The following EGFLAM variants were observed in gnomAD, a reference collection of about 807,000 sequenced individuals.
The protein encoded by EGFLAM is pikachurin.
Under a neutral mutation model 113.1 loss-of-function variants are expected in EGFLAM, and 79 were observed. The ratio of observed to expected loss-of-function variants is 0.70; its 90% CI spans 0.58 to 0.84. EGFLAM has a LOEUF of 0.84. Ranked by LOEUF, EGFLAM falls within the 40% of genes least tolerant of loss-of-function variation. EGFLAM has a pLI of 0.00. For missense variants in EGFLAM, 1,265 were observed against 1,291.6 expected (o/e 0.98, Z 0.32); for synonymous variants, 504 against 487.6 (o/e 1.03, Z -0.44).
At chr5:38,441,599 C>CAA (rs1366148271) in intron 17 of EGFLAM, among the ~76,000 whole-genome samples, 26 of 151,700 alleles carry the variant, frequency 1.7e-4, no homozygotes, top group South Asian at 8.3e-4. Flanking sequence ...TTTGTACACA[C>CAA]ACACACACAC....
intron 6 of EGFLAM, among the ~76,000 whole-genome samples, chr5:38,390,698 G>T (rs1355695473): frequency 1.3e-5 from 2 of 152,110 alleles, no homozygotes; most frequent in Non-Finnish European, 2.9e-5. Flanking sequence ...AATGTAAAAT[G>T]ATATATCATT....
At chr5:38,399,036 G>T (rs368626772) in intron 6 of EGFLAM, among the ~76,000 whole-genome samples, 1 of 152,174 alleles carries the variant, frequency 6.6e-6, no homozygotes, top group Non-Finnish European at 1.5e-5. Context: ...TTCTAAAAAG[G>T]CTGGGTCAGA....
At chr5:38,296,266 C>A (rs2111810335) in intron 1 of EGFLAM, among the ~76,000 whole-genome samples, 1 of 152,192 alleles carries the variant, frequency 6.6e-6, no homozygotes, top group East Asian at 1.9e-4. Context: ...TATTCTAAAC[C>A]AAGCTAAAGA....
chr5:38,274,573 A>C (rs1320030368), intron 1 of EGFLAM, among the ~76,000 whole-genome samples: 1 of 152,042 alleles, frequency 6.6e-6, no homozygotes, highest in Non-Finnish European at 1.5e-5. Flanking sequence ...AAGGAGAAAA[A>C]ACTGCCAACC....
intron 3 of EGFLAM, among the ~76,000 whole-genome samples, chr5:38,343,041 C>G (rs1164643383): frequency 6.6e-6 from 1 of 152,146 alleles, no homozygotes; most frequent in African/African-American, 2.4e-5. Context: ...TGTTCCTGCT[C>G]TCTCATCAGA....
chr5:38,381,673 T>C (rs1165647232), intron 6 of EGFLAM, among the ~76,000 whole-genome samples: 1 of 152,164 alleles, frequency 6.6e-6, no homozygotes, highest in Admixed American at 6.5e-5. Flanking sequence ...ATGTGTCCCA[T>C]GATAACCTCA....
intron 6 of EGFLAM, among the ~76,000 whole-genome samples, chr5:38,373,100 C>T (rs1048183504): frequency 6.6e-6 from 1 of 152,042 alleles, no homozygotes; most frequent in Non-Finnish European, 1.5e-5. Flanking sequence ...AGTATCAGAG[C>T]TACCATTGGG....
chr5:38,356,083 A>G (rs1456252946), intron 5 of EGFLAM, among the ~76,000 whole-genome samples: 3 of 152,206 alleles, frequency 2.0e-5, no homozygotes, highest in African/African-American at 7.2e-5. Context: ...TTAAAATTAT[A>G]TGCCATTCCA....
At chr5:38,429,038 C>T (rs1398511675) in intron 14 of EGFLAM, among the ~76,000 whole-genome samples, 1 of 152,200 alleles carries the variant, frequency 6.6e-6, no homozygotes, top group African/African-American at 2.4e-5. Flanking sequence ...TCAAAGACTT[C>T]TTGCTCAATT....
Position 38,276,929 on chromosome 5 carries a change from C to G in EGFLAM, c.97+18078C>G, listed in dbSNP as rs367796242. Among the ~76,000 whole-genome samples, 6 of 152,036 alleles carry G rather than the reference C, an allele frequency of 3.9e-5. No homozygotes were observed. The South Asian group carries it at 6.2e-4, about 16-fold the overall frequency. ...GATTGAGTCAGTAATCAAAAGTCTC[C>G]CATCAAAGAAAAGCACAGAACCTGA... On this transcript the variant is annotated intron_variant, in intron 1 of 21. Coordinates refer to ENST00000322350, the MANE Select transcript of EGFLAM (RefSeq NM_152403.4).
chr5:38,448,216 G>A, intron 17 of EGFLAM, 85 bp from the exon 18 acceptor site: 2 of 1,363,202 alleles, frequency 1.5e-6, no homozygotes, highest in Non-Finnish European at 2.1e-6. Flanking sequence ...ATTTCCAGGA[G>A]CTGGGTGTTT....
At chr5:38,438,094 C>T (rs1742407566) in intron 16 of EGFLAM, among the ~76,000 whole-genome samples, 181 bp from the exon 17 acceptor site, 1 of 148,362 alleles carries the variant, frequency 6.7e-6, no homozygotes, top group Non-Finnish European at 1.5e-5. Flanking sequence ...TGCACTCCAG[C>T]CTGGGCAACA....
intron 1 of EGFLAM, 54 bp from the exon 2 acceptor site, chr5:38,337,466 A>T (rs1739217531): frequency 6.8e-7 from 1 of 1,464,828 alleles, no homozygotes; most frequent in South Asian, 1.3e-5. Context: ...GTGTAAGTAT[A>T]CTCAAGGTGG....
rs537077849 is a variant in EGFLAM, at chr5:38,429,872, TA to T, written c.2055-1303del. On this transcript the variant is annotated intron_variant, in intron 14 of 21. Coordinates refer to ENST00000322350, the MANE Select transcript of EGFLAM (RefSeq NM_152403.4). ...CTTCTTAATTTTTAAAAAAAAATTT[TA>T]ATGACCAAAACAAAGTATCTAAAAC... The T allele has an allele frequency of 1.7e-3, 254 of 153,610 alleles. 2 individuals are homozygous for T. The highest frequency in any genetic ancestry group is 3.0e-3 in the Non-Finnish European group (205 of 68,692). The allele number at this position is 153,610 out of a possible 1,614,324, so 9.5% of individuals were successfully genotyped here. A position where few individuals can be genotyped will look rare whatever the true frequency, so the allele number is the denominator to read the frequency against.
intron 3 of EGFLAM, among the ~76,000 whole-genome samples, chr5:38,349,990 CAG>C (rs1739578862): frequency 6.7e-6 from 1 of 148,280 alleles, no homozygotes; most frequent in Non-Finnish European, 1.5e-5. Context: ...CACACACAGA[CAG>C]ACACACAGAC....
intron 19 of EGFLAM, among the ~76,000 whole-genome samples, chr5:38,454,669 G>A (rs1743028364): frequency 6.6e-6 from 1 of 152,194 alleles, no homozygotes; most frequent in East Asian, 1.9e-4. Context: ...GCAGTCTGGA[G>A]AGTGAATTGT....
At chr5:38,310,562 T>A (rs1282590867) in intron 1 of EGFLAM, among the ~76,000 whole-genome samples, 3 of 152,112 alleles carry the variant, frequency 2.0e-5, no homozygotes, top group Admixed American at 2.0e-4. Flanking sequence ...CCTTCTTCAT[T>A]CTTTTACCTC....
intron 1 of EGFLAM, among the ~76,000 whole-genome samples, chr5:38,308,824 C>T (rs554381848): frequency 4.6e-5 from 7 of 152,192 alleles, no homozygotes; most frequent in Non-Finnish European, 8.8e-5. Flanking sequence ...AACCAAGATA[C>T]GCCCTGGTTT....
chr5:38,359,462 G>A (rs561505583), intron 5 of EGFLAM, among the ~76,000 whole-genome samples: 1 of 152,272 alleles, frequency 6.6e-6, no homozygotes, highest in Non-Finnish European at 1.5e-5. Context: ...ATAACTTGAG[G>A]CCAGGAGTTT....
Sources: allele counts gnomAD v4.1 joint callset (sites outside exome capture counted in the v4.1 genomes callset), GRCh38; gene constraint gnomAD v4.1.1; transcripts MANE v1.5; gene names NCBI Gene and HGNC (gene_info 2026-07-23, HGNC 2026-07-21).